KCNN2: variants seen among roughly 807,000 people sequenced by gnomAD.
The protein encoded by KCNN2 is small conductance calcium-activated potassium channel protein 2.
KCNN2 carries 24 observed loss-of-function variants against 55.5 expected under a neutral mutation model. The ratio of observed to expected loss-of-function variants is 0.43; its 90% CI spans 0.31 to 0.61. The LOEUF (loss-of-function observed/expected upper bound fraction) is 0.61. KCNN2 is among the 20% of genes least tolerant of loss of function. The pLI is 0.08. For missense variants in KCNN2, 754 were observed against 853.6 expected (o/e 0.88, Z 1.45); for synonymous variants, 431 against 336.1 (o/e 1.28, Z -3.09).
intron 2 of KCNN2, among the ~76,000 whole-genome samples, chr5:114,330,411 A>C (rs181147048): frequency 1.3e-5 from 2 of 152,328 alleles, no homozygotes; most frequent in Admixed American, 1.3e-4. Context: ...CTTAATTTAC[A>C]TACTTATTAC....
chr5:114,277,162 G>T (rs1755507987), intron 2 of KCNN2, among the ~76,000 whole-genome samples: 1 of 152,096 alleles, frequency 6.6e-6, no homozygotes. Flanking sequence ...TTGAATATTT[G>T]CCCCCAATCT....
At chr5:114,154,855 T>C (rs1193519092) in intron 1 of KCNN2, among the ~76,000 whole-genome samples, 1 of 152,188 alleles carries the variant, frequency 6.6e-6, no homozygotes, top group Non-Finnish European at 1.5e-5. Context: ...CTTGTAGCAA[T>C]AGAAATATTT....
At chr5:114,468,823 G>T (rs1054267186) in intron 4 of KCNN2, among the ~76,000 whole-genome samples, 1 of 152,030 alleles carries the variant, frequency 6.6e-6, no homozygotes, top group African/African-American at 2.4e-5. Flanking sequence ...TTTTTCATAG[G>T]CTTGTATCCT....
intron 2 of KCNN2, among the ~76,000 whole-genome samples, chr5:114,400,807 G>A (rs889263941): frequency 6.6e-6 from 1 of 152,096 alleles, no homozygotes; most frequent in African/African-American, 2.4e-5. Context: ...TCTTAATCCA[G>A]ATCTTGCATC....
At chr5:114,340,229 G>T (rs1172533716) in intron 2 of KCNN2, among the ~76,000 whole-genome samples, 1 of 152,108 alleles carries the variant, frequency 6.6e-6, no homozygotes, top group Non-Finnish European at 1.5e-5. Context: ...AATCCAAATG[G>T]TCACTTGCGT....
intron 2 of KCNN2, among the ~76,000 whole-genome samples, chr5:114,319,033 C>A (rs6874042): frequency 0.18 from 26,638 of 151,966 alleles, 3,812 homozygotes; most frequent in East Asian, 0.8. Context: ...TTCTGTGCCC[C>A]CAACGTACAC....
chr5:114,198,441 T>TGTGTTTACATATATATACATATACACAC (rs1753603920), intron 1 of KCNN2, among the ~76,000 whole-genome samples: 1 of 136,020 alleles, frequency 7.4e-6, no homozygotes, highest in East Asian at 2.0e-4. Context: ...TATATATATA[T>TGTGTTTACATATATATACATATACACAC]GTGTTTACAT....
chr5:114,255,558 G>GA (rs1754964989), intron 2 of KCNN2, among the ~76,000 whole-genome samples: 1 of 152,142 alleles, frequency 6.6e-6, no homozygotes, highest in Non-Finnish European at 1.5e-5. Flanking sequence ...GATAAGGCAG[G>GA]GCCTTGTAGG....
At position 114,296,194 on chromosome 5, in the gene KCNN2, T is replaced by C. The variant is rs150865125; in HGVS notation, c.-184-64751T>C. ...CTAAGCCATCAGATAAATAAATAGT[T>C]TTTCTAAGTTAAAGGAGGGAGAATG... On this transcript the variant is annotated intron_variant, in intron 2 of 10. Transcript: ENST00000512097. 5.8e-4 allele frequency among the ~76,000 whole-genome samples: 88 copies of C among 152,288 alleles called. 2 individuals carry two copies. In the East Asian group the frequency reaches 0.015, roughly 26 times the overall value.
At chr5:114,411,375 T>A (rs1460020115) in intron 3 of KCNN2, among the ~76,000 whole-genome samples, 1 of 152,042 alleles carries the variant, frequency 6.6e-6, no homozygotes, top group Non-Finnish European at 1.5e-5. Context: ...GGAGATTTAT[T>A]AGAGGAATTG....
At chr5:114,186,661 G>C (rs1301700902) in intron 1 of KCNN2, among the ~76,000 whole-genome samples, 1 of 152,106 alleles carries the variant, frequency 6.6e-6, no homozygotes, top group Non-Finnish European at 1.5e-5. Flanking sequence ...TAACAGTTTT[G>C]ACAGCATAAG....
At chr5:114,229,889 C>A (rs532594944) in intron 2 of KCNN2, among the ~76,000 whole-genome samples, 2 of 152,190 alleles carry the variant, frequency 1.3e-5, no homozygotes, top group African/African-American at 4.8e-5. Flanking sequence ...CAGAAACAAA[C>A]CCTAGAAATG....
chr5:114,373,095 T>G (rs924742089), intron 2 of KCNN2, among the ~76,000 whole-genome samples: 2 of 152,126 alleles, frequency 1.3e-5, no homozygotes, highest in Non-Finnish European at 2.9e-5. Flanking sequence ...TTTTATTTTT[T>G]AAATGCTTTC....
chr5:114,160,508 T>A (rs142050031), intron 1 of KCNN2, among the ~76,000 whole-genome samples: 17,131 of 152,138 alleles, frequency 0.11, 1,126 homozygotes, highest in Middle Eastern at 0.23. Context: ...GTTCTGTAGA[T>A]GTCTATTAGG....
intron 6 of KCNN2, among the ~76,000 whole-genome samples, chr5:114,489,907 ACT>A (rs1451195499): frequency 1.3e-5 from 2 of 151,924 alleles, no homozygotes; most frequent in East Asian, 1.9e-4. Flanking sequence ...GGCCTCTCCT[ACT>A]CTCTGATTTA....
chr5:114,171,143 T>C (rs754259057), intron 1 of KCNN2, among the ~76,000 whole-genome samples: 42 of 152,042 alleles, frequency 2.8e-4, no homozygotes, highest in Non-Finnish European at 3.1e-4. Flanking sequence ...TATTCTTATA[T>C]TGTATGCATC....
intron 1 of KCNN2, among the ~76,000 whole-genome samples, chr5:114,182,366 AT>A (rs904038377): frequency 2.0e-5 from 3 of 151,952 alleles, no homozygotes. Context: ...TATGAGATGT[AT>A]TTTTTTCATA....
intron 2 of KCNN2, among the ~76,000 whole-genome samples, chr5:114,227,799 A>G (rs551571703): frequency 6.6e-6 from 1 of 152,344 alleles, no homozygotes; most frequent in South Asian, 2.1e-4. Flanking sequence ...TAATTCCTAA[A>G]TAGCAAGGTT....
At chr5:114,144,991 A>G (rs555986141) in intron 1 of KCNN2, among the ~76,000 whole-genome samples, 22 of 152,222 alleles carry the variant, frequency 1.4e-4, no homozygotes, top group African/African-American at 4.6e-4. Flanking sequence ...TTTTGAGGTG[A>G]CAAGGTGGAT....
Sources: allele counts gnomAD v4.1 joint callset (sites outside exome capture counted in the v4.1 genomes callset), GRCh38; gene constraint gnomAD v4.1.1; transcripts MANE v1.5; gene names NCBI Gene and HGNC (gene_info 2026-07-23, HGNC 2026-07-21).